MRAP2: variants seen among roughly 807,000 people sequenced by gnomAD.
MRAP2 encodes the protein melanocortin 2 receptor accessory protein 2.
In MRAP2, 20 loss-of-function variants were observed where a neutral mutation model predicts 17.4. That is an observed-to-expected ratio of 1.15 (90% CI 0.81 to 1.67). MRAP2 has a LOEUF of 1.67. Ranked by LOEUF, MRAP2 falls within the 40% of genes most tolerant of loss-of-function variation. The probability of loss-of-function intolerance (pLI) is 0.00; values close to 1 mark genes in which losing one functional copy is unlikely to be tolerated. For synonymous variants in MRAP2, 96 were observed against 88.4 expected, an observed-to-expected ratio of 1.09 and a Z score of -0.48; for missense variants, 238 against 240.0, an observed-to-expected ratio of 0.99 and a Z score of 0.05.
chr6:84,140,368 AT>A, the MRAP2 span, among the ~76,000 whole-genome samples: 1 of 150,928 alleles, frequency 6.6e-6, no homozygotes, highest in Non-Finnish European at 1.5e-5. Flanking sequence ...TTGAAACACC[AT>A]TTTCACACAA....
chr6:84,131,621 TG>T, the MRAP2 span, among the ~76,000 whole-genome samples: 4 of 152,200 alleles, frequency 2.6e-5, no homozygotes, highest in Non-Finnish European at 5.9e-5. Flanking sequence ...TGATCTTTGT[TG>T]GTTTAAAGTC....
At chr6:84,091,270 G>A (rs549686992), downstream of MRAP2, among the ~76,000 whole-genome samples, 73 of 136,676 alleles carry the variant, frequency 5.3e-4, 1 homozygote, top group African/African-American at 1.9e-3. Context: ...TTTGAGAGAC[G>A]GAGTCTTGCT....
intron 2 of MRAP2, chr6:84,062,220 G>A (rs1383006625): frequency 1.9e-6 from 1 of 530,512 alleles, no homozygotes; most frequent in Non-Finnish European, 2.4e-6. Flanking sequence ...TGAAAACCTA[G>A]CCAATGCTTC....
downstream of MRAP2, among the ~76,000 whole-genome samples, chr6:84,093,718 A>G (rs891806517): frequency 6.6e-6 from 1 of 152,208 alleles, no homozygotes; most frequent in Admixed American, 6.5e-5. Flanking sequence ...TTCTTTGTAC[A>G]TCACATGTCA....
At chr6:84,109,780 T>C in the MRAP2 span, among the ~76,000 whole-genome samples, 2 of 140,816 alleles carry the variant, frequency 1.4e-5, no homozygotes, top group Non-Finnish European at 3.1e-5. Context: ...GGTCCTGGTG[T>C]GTGATGTTCC....
At chr6:84,075,024 C>T (rs2099497223) in intron 3 of MRAP2, among the ~76,000 whole-genome samples, 1 of 152,158 alleles carries the variant, frequency 6.6e-6, no homozygotes, top group Admixed American at 6.5e-5. Flanking sequence ...CTTGGTATGA[C>T]ACAACAAAGG....
intron 2 of MRAP2, among the ~76,000 whole-genome samples, chr6:84,060,920 T>C (rs1334509221): frequency 6.6e-6 from 1 of 151,260 alleles, no homozygotes; most frequent in Non-Finnish European, 1.5e-5. Context: ...AGGATGGTTT[T>C]GATCTCCTGA....
intron 1 of MRAP2, among the ~76,000 whole-genome samples, chr6:84,050,423 AGT>A (rs1047633524): frequency 1.1e-4 from 16 of 152,298 alleles, no homozygotes; most frequent in Non-Finnish European, 1.5e-4. Flanking sequence ...GCTGGCTCAG[AGT>A]GTGATTCATA....
the MRAP2 span, among the ~76,000 whole-genome samples, chr6:84,123,344 G>A: frequency 6.6e-6 from 1 of 150,954 alleles, no homozygotes; most frequent in South Asian, 2.1e-4. Context: ...CAAGGCTATA[G>A]TAACTGAAAC....
At chr6:84,033,418 C>T (rs2099485054), upstream of MRAP2, among the ~76,000 whole-genome samples, 1 of 152,200 alleles carries the variant, frequency 6.6e-6, no homozygotes. Context: ...CCTTACTGAA[C>T]TTGAACTCAA....
downstream of MRAP2, among the ~76,000 whole-genome samples, chr6:84,093,615 A>T (rs931185824): frequency 2.6e-5 from 4 of 151,748 alleles, no homozygotes; most frequent in African/African-American, 9.8e-5. Flanking sequence ...GTAGTATGTG[A>T]GTCAGTTTTA....
the MRAP2 span, among the ~76,000 whole-genome samples, chr6:84,099,910 G>T: frequency 2.6e-5 from 4 of 151,608 alleles, no homozygotes; most frequent in African/African-American, 7.3e-5. Flanking sequence ...TTCCCCAGGG[G>T]AGTATAGTGG....
chr6:84,066,951 A>G (rs968900932), intron 3 of MRAP2, among the ~76,000 whole-genome samples: 1 of 152,140 alleles, frequency 6.6e-6, no homozygotes, highest in Non-Finnish European at 1.5e-5. Flanking sequence ...GAAGTTCCTT[A>G]GTGGTGATTT....
At chr6:84,075,045 G>A (rs909985146) in intron 3 of MRAP2, among the ~76,000 whole-genome samples, 2 of 152,186 alleles carry the variant, frequency 1.3e-5, no homozygotes, top group South Asian at 4.1e-4. Flanking sequence ...TTTATTTCTT[G>A]CTTAAACTCC....
the MRAP2 span, among the ~76,000 whole-genome samples, chr6:84,103,327 A>C: frequency 6.6e-6 from 1 of 152,136 alleles, no homozygotes; most frequent in South Asian, 2.1e-4. Context: ...TTGTGGAAGG[A>C]GATCAAGGGA....
At chr6:84,081,202 A>G (rs959196305) in intron 3 of MRAP2, among the ~76,000 whole-genome samples, 1 of 152,216 alleles carries the variant, frequency 6.6e-6, no homozygotes, top group Non-Finnish European at 1.5e-5. Flanking sequence ...TTATCCTGTC[A>G]AATGAAAAAG....
At chr6:84,056,301 GT>G (rs980951224) in intron 2 of MRAP2, among the ~76,000 whole-genome samples, 1 of 152,180 alleles carries the variant, frequency 6.6e-6, no homozygotes, top group African/African-American at 2.4e-5. Context: ...CAAAGAAAGT[GT>G]TTTTGTTCCT....
At chr6:84,121,529 C>G in the MRAP2 span, among the ~76,000 whole-genome samples, 13,171 of 152,140 alleles carry the variant, frequency 0.087, 1,468 homozygotes, top group African/African-American at 0.26. Context: ...CCTGTAATCT[C>G]AGCTACTTGG....
At chr6:84,124,874 T>A in the MRAP2 span, 1 of 582,572 alleles carries the variant, frequency 1.7e-6, no homozygotes, top group South Asian at 2.3e-5. Flanking sequence ...GACTGGTTAA[T>A]GATTTTTAGT....
Sources: gnomAD v4.1 joint callset for allele counts (sites outside exome capture counted in the v4.1 genomes callset) on GRCh38, gnomAD v4.1.1 for gene constraint, MANE v1.5 for transcripts, NCBI Gene and HGNC (gene_info 2026-07-23, HGNC 2026-07-21) for gene names.